UBE2H: variants seen among roughly 807,000 people sequenced by gnomAD.
UBE2H encodes the protein ubiquitin-conjugating enzyme E2 H.
In UBE2H, 3 loss-of-function variants were observed where a neutral mutation model predicts 29.0. The ratio of observed to expected loss-of-function variants is 0.10; its 90% confidence interval spans 0.05 to 0.27. The LOEUF is 0.27. UBE2H is among the 10% of genes least tolerant of loss of function. The pLI, the probability that UBE2H is intolerant of heterozygous loss-of-function variation, is 1.00. For missense variants in UBE2H, 68 were observed against 228.2 expected, an observed-to-expected ratio of 0.30 and a Z score of 4.52; for synonymous variants, 69 against 82.9, an observed-to-expected ratio of 0.83 and a Z score of 0.91.
intron 6 of UBE2H, among the ~76,000 whole-genome samples, chr7:129,838,881 C>A (rs900342390): frequency 6.6e-6 from 1 of 152,186 alleles, no homozygotes; most frequent in African/African-American, 2.4e-5. Context: ...TTGTGATCCG[C>A]CTGCCTCGGG....
chr7:129,931,158 C>A (rs1807386582), intron 1 of UBE2H, among the ~76,000 whole-genome samples: 1 of 151,238 alleles, frequency 6.6e-6, no homozygotes. Flanking sequence ...GCACAGGTTG[C>A]AGCAGTGAGC....
At chr7:129,848,040 T>C (rs1805542715) in intron 5 of UBE2H, among the ~76,000 whole-genome samples, 1 of 152,204 alleles carries the variant, frequency 6.6e-6, no homozygotes. Context: ...CTCGCCTTTG[T>C]AATCAGAGAA....
rs140421116 is a variant in UBE2H at position 129,943,269 on chromosome 7, A to C, written c.53+9234T>G. ...CCACAACCTCTGCCTCCTGGGCTTA[A>C]GTGATCCTTCTGCCTCAGCCCCCAG... On this transcript the variant is annotated intron_variant, in intron 1 of 6. Transcript: ENST00000355621. Among the ~76,000 whole-genome samples the C allele has an allele frequency of 2.1e-3, 321 of 152,292 alleles. 1 individual carries two copies. The highest frequency in any genetic ancestry group is 7.5e-3 in the African/African-American group (313 of 41,574).
At chr7:129,884,125 T>C (rs1196933334) in intron 1 of UBE2H, among the ~76,000 whole-genome samples, 3 of 151,402 alleles carry the variant, frequency 2.0e-5, no homozygotes, top group Non-Finnish European at 4.4e-5. Context: ...TAATAAAAAT[T>C]TCTGTACTTT....
chr7:129,857,598 A>C (rs369359086), intron 4 of UBE2H, 35 bp from the exon 5 acceptor site: 4 of 1,601,856 alleles, frequency 2.5e-6, no homozygotes, highest in Non-Finnish European at 3.4e-6. Flanking sequence ...TGTTTTTAAA[A>C]ATTAGAAAGT....
chr7:129,837,809 A>G lies in UBE2H; in HGVS notation c.427+1398T>C, dbSNP rs1180570015. The stretch of plus-strand genomic sequence containing the variant: ...TGGCCATGATTTTCTGAGATTACTA[A>G]GGAAGACAAAATGATAGCCAACATG... On this transcript the variant is annotated intron_variant, in intron 6 of 6. Transcript: ENST00000355621. 4.6e-5 allele frequency among the ~76,000 whole-genome samples: 7 copies of G among 152,318 alleles called. No homozygotes were observed. In the South Asian group the frequency reaches 1.0e-3, roughly 23 times the overall value.
At chr7:129,883,458 T>A (rs774425164) in intron 1 of UBE2H, among the ~76,000 whole-genome samples, 1 of 152,110 alleles carries the variant, frequency 6.6e-6, no homozygotes, top group Non-Finnish European at 1.5e-5. Context: ...ATTTGTAACA[T>A]CCAAAAATTA....
intron 5 of UBE2H, among the ~76,000 whole-genome samples, chr7:129,842,174 T>A (rs902349079): frequency 6.6e-6 from 1 of 151,658 alleles, no homozygotes; most frequent in Non-Finnish European, 1.5e-5. Flanking sequence ...CTCACACCTG[T>A]AATCCCAGCA....
chr7:129,948,009 C>G (rs1429260566), intron 1 of UBE2H, among the ~76,000 whole-genome samples: 1 of 152,142 alleles, frequency 6.6e-6, no homozygotes. Context: ...CGCACCATCA[C>G]GCCTGGCTAA....
At chr7:129,866,824 C>T (rs1175418671) in intron 3 of UBE2H, among the ~76,000 whole-genome samples, 2 of 152,178 alleles carry the variant, frequency 1.3e-5, no homozygotes, top group Admixed American at 1.3e-4. Context: ...CATCTCTTTG[C>T]CTTTCTGTTC....
intron 3 of UBE2H, among the ~76,000 whole-genome samples, chr7:129,866,932 G>C (rs1484573137): frequency 6.6e-6 from 1 of 152,118 alleles, no homozygotes; most frequent in Non-Finnish European, 1.5e-5. Context: ...ACAGTAACTG[G>C]CATACAGTAA....
chr7:129,920,773 T>A (rs1245952123), intron 1 of UBE2H, among the ~76,000 whole-genome samples: 1 of 150,130 alleles, frequency 6.7e-6, no homozygotes, highest in Non-Finnish European at 1.5e-5. Flanking sequence ...CATTATTTTA[T>A]TCCACATATT....
At chr7:129,839,144 A>G (rs1805381469) in intron 6 of UBE2H, 63 bp downstream of exon 6, 1 of 1,575,022 alleles carries the variant, frequency 6.3e-7, no homozygotes, top group African/African-American at 1.4e-5. Context: ...AAGGACTTTT[A>G]ATGACTGAAG....
At position 129,868,371 on chromosome 7, in the gene UBE2H, G is replaced by A. The variant is rs192420775; in HGVS notation, c.206-9430C>T. On this transcript the variant is annotated intron_variant, in intron 3 of 6. Coordinates refer to ENST00000355621, the MANE Select transcript of UBE2H (RefSeq NM_003344.4). ...CGAGGCGGGTGGATCATGAGGTCAG[G>A]AGATCGAGACCATCCTGGCTAACAA... Among the ~76,000 whole-genome samples, 423 of 151,984 alleles carry A rather than the reference G, an allele frequency of 2.8e-3. 1 individual carries two copies. The highest frequency in any genetic ancestry group is 0.017 in the Middle Eastern group (5 of 294).
chr7:129,876,979 T>C (rs1406109038), intron 3 of UBE2H, among the ~76,000 whole-genome samples: 2 of 152,172 alleles, frequency 1.3e-5, no homozygotes, highest in South Asian at 2.1e-4. Flanking sequence ...TATTTAAATA[T>C]TCAGAGAGAA....
chr7:129,837,450 G>A (rs1295940735), intron 6 of UBE2H, among the ~76,000 whole-genome samples: 1 of 152,004 alleles, frequency 6.6e-6, no homozygotes, highest in Non-Finnish European at 1.5e-5. Context: ...AGATTAAGCA[G>A]AGGAGGGGAA....
chr7:129,842,324 T>C (rs1305263453), intron 5 of UBE2H, among the ~76,000 whole-genome samples: 1 of 152,070 alleles, frequency 6.6e-6, no homozygotes, highest in African/African-American at 2.4e-5. Flanking sequence ...TCCCAGCTAC[T>C]TGGGAGGCTG....
intron 1 of UBE2H, among the ~76,000 whole-genome samples, chr7:129,901,227 G>T (rs1806707661): frequency 6.6e-6 from 1 of 152,192 alleles, no homozygotes; most frequent in Non-Finnish European, 1.5e-5. Flanking sequence ...CCTAGCAAAT[G>T]TACCTTTCTC....
At chr7:129,847,028 A>AT (rs535287651) in intron 5 of UBE2H, among the ~76,000 whole-genome samples, 14,196 of 150,482 alleles carry the variant, frequency 0.094, 760 homozygotes, top group Non-Finnish European at 0.11. Context: ...TATTATTATT[A>AT]TTATTTTTTG....
Sources: gnomAD v4.1 joint callset for allele counts (sites outside exome capture counted in the v4.1 genomes callset) on GRCh38, gnomAD v4.1.1 for gene constraint, MANE v1.5 for transcripts, NCBI Gene and HGNC (gene_info 2026-07-23, HGNC 2026-07-21) for gene names.